OR2L2: variants seen among roughly 807,000 people sequenced by gnomAD.
The protein encoded by OR2L2 is olfactory receptor 2L2.
For synonymous variants in OR2L2, 156 were observed against 135.4 expected, an observed-to-expected ratio of 1.15 and a Z score of -1.06; for missense variants, 378 against 375.2, an observed-to-expected ratio of 1.01 and a Z score of -0.06.
Position 248,038,460 on chromosome 1 carries a change from C to T in OR2L2, c.193C>T (p.Leu65Phe), listed in dbSNP as rs2103096362. The change falls in exon 3 of 3, where the codon CTC becomes TTC. Residue 65 changes from leucine to phenylalanine, a missense_variant. Physicochemically the swap from Leu to Phe is conservative, Grantham distance 22. Coordinates refer to ENST00000641771, the MANE Select transcript of OR2L2 (RefSeq NM_001385855.1). ...ACCTATGTATTTCCTACTTAGTCAG[C>T]TCTCCCTCATTGACCTAAATTACAT... ...HTPMYFLLSQ[L>F]SLIDLNYIST... The T allele has an allele frequency of 6.2e-7, 1 of 1,613,718 alleles. No individual in the cohort carries two copies. The highest frequency in any genetic ancestry group is 8.5e-7 in the Non-Finnish European group (1 of 1,179,694).
At chr1:248,034,762 T>C (rs1662710363) in intron 1 of OR2L2, among the ~76,000 whole-genome samples, 1 of 152,216 alleles carries the variant, frequency 6.6e-6, no homozygotes, top group Non-Finnish European at 1.5e-5. Flanking sequence ...CACAATCTCA[T>C]TTTTAGATTG....
rs1662851588 is a variant in OR2L2, at chr1:248,038,848, A to G, written c.581A>G (p.Tyr194Cys). Residue 194 changes from tyrosine (Y) to cysteine (C), a missense_variant, in exon 3 of 3, where the codon TAT becomes TGT. Tyr to Cys is a radical substitution (Grantham distance 194, BLOSUM62 -2). Transcript: ENST00000641771. The stretch of plus-strand genomic sequence containing the variant: ...CTAGCCTGCACAGACACTTGGGTCT[A>G]TGAGAGCACAGTGTTTTTGAGCAGC... ...LTLACTDTWV[Y>C]ESTVFLSSTI... 1 of 1,614,018 alleles carries G rather than the reference A, an allele frequency of 6.2e-7. No homozygotes were observed. The highest frequency in any genetic ancestry group is 1.1e-5 in the South Asian group (1 of 91,084).
At position 248,039,294 on chromosome 1, in the gene OR2L2, G is replaced by A; in HGVS notation, c.*88G>A. 2.4e-6 allele frequency: 3 copies of A among 1,259,622 alleles called. No individual in the cohort carries two copies. Among genetic ancestry groups the A allele is most frequent in the Non-Finnish European group, 3.3e-6 (3 of 909,318 alleles). 78.0% of individuals were successfully genotyped at this position (1,259,622 alleles called of 1,614,324 possible). A position where few individuals can be genotyped will look rare whatever the true frequency, so the allele number is the denominator to read the frequency against. On this transcript the variant is annotated 3_prime_UTR_variant, in exon 3 of 3. Transcript: ENST00000641771. ...GAAGAAAAACATTATTACATGCCCA[G>A]TGTGTCAAACAGAAGTTAATCTAGA...
chr1:248,038,391 C>G lies in OR2L2; in HGVS notation c.124C>G (p.Leu42Val). ...TTTCCTAATGGCTCTAATTGGAAAT[C>G]TATCCATGATTCTTCTCATCTTTTT... ...LIFLMALIGN[L>V]SMILLIFLDI... The change falls in exon 3 of 3, where the codon CTA becomes GTA. Residue 42 changes from leucine to valine, a missense_variant. Leu to Val is a conservative substitution (Grantham distance 32). Coordinates refer to ENST00000641771, the MANE Select transcript of OR2L2 (RefSeq NM_001385855.1). 1 of 1,613,380 alleles carries G rather than the reference C, an allele frequency of 6.2e-7. No individual in the cohort carries two copies.
In OR2L2 at chr1:248,041,558, C is replaced by T. The variant is rs1482521715; in HGVS notation, c.*2352C>T. 1.3e-5 allele frequency: 2 copies of T among 152,160 alleles called. No individual in the cohort carries two copies. The highest frequency in any genetic ancestry group is 2.4e-5 in the African/African-American group (1 of 41,438). The allele number at this position is 152,160 out of a possible 1,614,324, so 9.4% of individuals were successfully genotyped here. ...TCTGCACAGCAAAAGAAACTACCAT[C>T]AGAGTGAACAGGCAACCTACAGAAT... On this transcript the variant is annotated 3_prime_UTR_variant, in exon 3 of 3. Transcript: ENST00000641771.
At chr1:248,038,097 G>C (rs1351827509) in intron 2 of OR2L2, 150 bp from the exon 3 acceptor site, 50 of 520,654 alleles carry the variant, frequency 9.6e-5, no homozygotes, top group Non-Finnish European at 1.4e-5. Context: ...ATAAATTAAA[G>C]TTTATAATAT....
intron 1 of OR2L2, among the ~76,000 whole-genome samples, chr1:248,034,227 A>G (rs1662695171): frequency 1.3e-5 from 2 of 152,172 alleles, no homozygotes; most frequent in African/African-American, 4.8e-5. Flanking sequence ...GAAAATGACC[A>G]TATTGCCAAA....
chr1:248,031,316 G>A (rs2103088028), intron 1 of OR2L2, among the ~76,000 whole-genome samples: 1 of 152,296 alleles, frequency 6.6e-6, no homozygotes, highest in South Asian at 2.1e-4. Context: ...CTACATTGGT[G>A]TTCATGAGAT....
intron 1 of OR2L2, among the ~76,000 whole-genome samples, chr1:248,031,630 G>A (rs867664767): frequency 1.3e-5 from 2 of 152,280 alleles, no homozygotes; most frequent in South Asian, 4.1e-4. Context: ...TGTAAATTGA[G>A]GCAATCTCCT....
At chr1:248,034,346 C>G (rs953538208) in intron 1 of OR2L2, among the ~76,000 whole-genome samples, 3 of 151,974 alleles carry the variant, frequency 2.0e-5, no homozygotes, top group Non-Finnish European at 2.9e-5. Context: ...CAAAGCAAGA[C>G]TAAGTGAAAA....
At chr1:248,034,373 G>A (rs1333616854) in intron 1 of OR2L2, among the ~76,000 whole-genome samples, 7 of 152,180 alleles carry the variant, frequency 4.6e-5, no homozygotes, top group South Asian at 4.1e-4. Context: ...ATCTGGAGGC[G>A]TTTGGTAAGT....
chr1:248,033,350 G>A (rs983726460), intron 1 of OR2L2, among the ~76,000 whole-genome samples: 1 of 152,096 alleles, frequency 6.6e-6, no homozygotes, highest in African/African-American at 2.4e-5. Flanking sequence ...CTTCCACATT[G>A]AGTAAACTTG....
chr1:248,041,311 A>G lies in OR2L2; in HGVS notation c.*2105A>G, dbSNP rs961504947. 2.6e-5 allele frequency: 4 copies of G among 151,992 alleles called. No individual in the cohort carries two copies. The highest frequency in any genetic ancestry group is 7.2e-5 in the African/African-American group (3 of 41,396). The allele number at this position is 151,992 out of a possible 1,614,324, so 9.4% of individuals were successfully genotyped here. A position where few individuals can be genotyped will look rare whatever the true frequency, so the allele number is the denominator to read the frequency against. On this transcript the variant is annotated 3_prime_UTR_variant, in exon 3 of 3. Transcript: ENST00000641771. ...TGGGAAAACTGGCTAGCCATATGTA[A>G]AAAGCTGAAACTGGATCCCTTCCTT...
Position 248,039,575 on chromosome 1 carries a change from C to T in OR2L2, c.*369C>T, listed in dbSNP as rs370594441. The stretch of plus-strand genomic sequence containing the variant: ...AGCTGCGATTACAGGTGTGAGCCAC[C>T]ATGCCCTGCCTGTTTTTTTTTTAAT... On this transcript the variant is annotated 3_prime_UTR_variant, in exon 3 of 3. Coordinates refer to ENST00000641771, the MANE Select transcript of OR2L2 (RefSeq NM_001385855.1). 1.2e-5 allele frequency: 2 copies of T among 162,376 alleles called. No individual in the cohort carries two copies. Among genetic ancestry groups the T allele is most frequent in the East Asian group, 1.8e-4 (1 of 5,558 alleles). 10.1% of individuals were successfully genotyped at this position (162,376 alleles called of 1,614,324 possible). A position where few individuals can be genotyped will look rare whatever the true frequency, so the allele number is the denominator to read the frequency against.
rs267598491 is a variant in OR2L2, at chr1:248,038,704, G to T, written c.437G>T (p.Gly146Val). 1.9e-6 allele frequency: 3 copies of T among 1,614,098 alleles called. No homozygotes were observed. The highest frequency in any genetic ancestry group is 2.2e-5 in the South Asian group (2 of 91,082). ...SKRVCVMMIT[G>V]SWMISSINSC... is the part of the protein sequence containing the mutation. Reference sequence around the variant, plus strand: ...AGAGTGTGTGTGATGATGATAACAGGATCTTGGATGATAAGCTCTATCAAC... The same window carrying T: ...AGAGTGTGTGTGATGATGATAACAGTATCTTGGATGATAAGCTCTATCAAC... Residue 146 changes from glycine (G) to valine (V), a missense_variant, in exon 3 of 3, where the codon GGA (glycine) becomes GTA (valine). Transcript: ENST00000641771.
At position 248,041,991 on chromosome 1, in the gene OR2L2, C is replaced by T. The variant is rs1275434646; in HGVS notation, c.*2785C>T. The T allele has an allele frequency of 6.6e-6, 1 of 152,166 alleles. No individual in the cohort carries two copies. Among genetic ancestry groups the T allele is most frequent in the Non-Finnish European group, 1.5e-5 (1 of 68,042 alleles). The allele number at this position is 152,166 out of a possible 1,614,324, so 9.4% of individuals were successfully genotyped here. A position where few individuals can be genotyped will look rare whatever the true frequency, so the allele number is the denominator to read the frequency against. On this transcript the variant is annotated 3_prime_UTR_variant, in exon 3 of 3. Transcript: ENST00000641771. ...AACTAGAAATACCATTTGACCCAAC[C>T]ATCCCATTACTGGGTATATAACCAA...
In OR2L2 at chr1:248,038,552, A is replaced by G. The variant is rs771587871; in HGVS notation, c.285A>G (p.Gly95=). ...LYGNKSISFT[G]CGIQSFFFLT... Reference sequence around the variant, plus strand: ...GAAACAAGTCTATCTCCTTCACTGGATGTGGGATTCAGAGTTTCTTCTTCT... The same window carrying G: ...GAAACAAGTCTATCTCCTTCACTGGGTGTGGGATTCAGAGTTTCTTCTTCT... Residue 95 remains glycine (G), a synonymous_variant, in exon 3 of 3, where the codon GGA becomes GGG. Transcript: ENST00000641771. The G allele has an allele frequency of 3.0e-5, 48 of 1,614,132 alleles. No homozygotes were observed. The highest frequency in any genetic ancestry group is 3.9e-5 in the Non-Finnish European group (46 of 1,180,022).
At chr1:248,038,193 A>C in intron 2 of OR2L2, 54 bp from the exon 3 acceptor site, 1 of 1,051,704 alleles carries the variant, frequency 9.5e-7, no homozygotes, top group Non-Finnish European at 1.4e-6. Context: ...TAATGCAGCC[A>C]CTGTGGATAA....
In OR2L2 at chr1:248,042,096, G is replaced by C. The variant is rs560060616; in HGVS notation, c.*2890G>C. 13 of 152,040 alleles carry C rather than the reference G, an allele frequency of 8.6e-5. No homozygotes were observed. Among genetic ancestry groups the C allele is most frequent in the African/African-American group, 2.7e-4 (11 of 41,440 alleles). The allele number at this position is 152,040 out of a possible 1,614,324, so 9.4% of individuals were successfully genotyped here. On this transcript the variant is annotated 3_prime_UTR_variant, in exon 3 of 3. Transcript: ENST00000641771. The stretch of plus-strand genomic sequence containing the variant: ...CACTATTCACAATAGCAAAGACTTG[G>C]AACCAACCCAAATGTCCAACGATGA...
Sources: gnomAD v4.1 joint callset for allele counts (sites outside exome capture counted in the v4.1 genomes callset) on GRCh38, gnomAD v4.1.1 for gene constraint, MANE v1.5 for transcripts, NCBI Gene and HGNC (gene_info 2026-07-23, HGNC 2026-07-21) for gene names.